FMNL2: variants seen among roughly 807,000 people sequenced by gnomAD.
FMNL2 encodes the protein formin like 2, also known as formin-like protein 2.
FMNL2 carries 51 observed loss-of-function variants against 130.2 expected under a neutral mutation model. The ratio of observed to expected loss-of-function variants is 0.39; its 90% CI spans 0.31 to 0.49. The LOEUF (loss-of-function observed/expected upper bound fraction) is 0.49. Ranked by LOEUF, FMNL2 falls within the 20% of genes least tolerant of loss-of-function variation. The probability of loss-of-function intolerance (pLI) is 0.85; values close to 1 mark genes in which losing one functional copy is unlikely to be tolerated. For missense variants in FMNL2, 977 were observed against 1,316.2 expected, an observed-to-expected ratio of 0.74 and a Z score of 3.99; for synonymous variants, 465 against 467.1, an observed-to-expected ratio of 1.00 and a Z score of 0.06.
At chr2:152,586,053 C>T (rs1697057458) in intron 9 of FMNL2, among the ~76,000 whole-genome samples, 1 of 152,174 alleles carries the variant, frequency 6.6e-6, no homozygotes. Context: ...CACCAGCTCT[C>T]CCAGGCTGCT....
At chr2:152,386,102 G>A (rs1684765308) in intron 1 of FMNL2, among the ~76,000 whole-genome samples, 1 of 152,204 alleles carries the variant, frequency 6.6e-6, no homozygotes, top group Non-Finnish European at 1.5e-5. Context: ...GGTGACAATA[G>A]AAGATAGGTT....
intron 1 of FMNL2, among the ~76,000 whole-genome samples, chr2:152,381,578 T>C (rs982004400): frequency 6.6e-6 from 1 of 152,202 alleles, no homozygotes; most frequent in African/African-American, 2.4e-5. Flanking sequence ...TGTGGGGTCA[T>C]GAGAGTCACA....
intron 15 of FMNL2, chr2:152,620,844 C>T: frequency 2.4e-6 from 2 of 820,790 alleles, no homozygotes; most frequent in East Asian, 2.5e-4. Flanking sequence ...TTACTTCCAC[C>T]CCGACTTCTA....
intron 4 of FMNL2, among the ~76,000 whole-genome samples, chr2:152,556,649 C>T (rs1271589737): frequency 6.6e-6 from 1 of 152,104 alleles, no homozygotes; most frequent in Non-Finnish European, 1.5e-5. Context: ...GGTCACTTGC[C>T]TCTTGTCCAA....
In FMNL2 at chr2:152,454,658, G is replaced by A. The variant is rs575172753; in HGVS notation, c.118-67285G>A. On this transcript the variant is annotated intron_variant, in intron 1 of 25. Transcript: ENST00000288670. ...GTATTTGCTCCATTGTTGGCTTGCT[G>A]TGAAGGAATGTGGGCAGAAAGGGAT... Among the ~76,000 whole-genome samples the A allele has an allele frequency of 8.5e-5, 13 of 152,342 alleles. 1 individual carries two copies. The highest frequency in any genetic ancestry group is 3.4e-3 in the Middle Eastern group (1 of 294).
intron 1 of FMNL2, among the ~76,000 whole-genome samples, chr2:152,393,906 A>G (rs1276913376): frequency 1.3e-5 from 2 of 152,238 alleles, no homozygotes; most frequent in East Asian, 1.9e-4. Context: ...TGAGTATTAT[A>G]TAGTTTTTTA....
chr2:152,628,116 C>T (rs1215161664), intron 17 of FMNL2, among the ~76,000 whole-genome samples, 183 bp from the exon 18 acceptor site: 1 of 152,192 alleles, frequency 6.6e-6, no homozygotes, highest in Non-Finnish European at 1.5e-5. Context: ...GAGGCATAGT[C>T]AAGAACCAGC....
chr2:152,578,818 T>C, intron 7 of FMNL2, 70 bp from the exon 8 acceptor site: 1 of 1,363,780 alleles, frequency 7.3e-7, no homozygotes, highest in Non-Finnish European at 1.0e-6. Context: ...TGGTTTTAAA[T>C]CAATACTGAC....
intron 1 of FMNL2, among the ~76,000 whole-genome samples, chr2:152,417,715 T>C (rs1686689728): frequency 6.6e-6 from 1 of 152,200 alleles, no homozygotes; most frequent in Admixed American, 6.5e-5. Context: ...ACTCACCTCC[T>C]CTGTGCCTCA....
At chr2:152,632,469 CTTTTAA>C (rs1682243839) in intron 21 of FMNL2, among the ~76,000 whole-genome samples, 1 of 152,206 alleles carries the variant, frequency 6.6e-6, no homozygotes. Context: ...CCAACAAACA[CTTTTAA>C]TTTGATTTTG....
chr2:152,507,734 A>G (rs912430376), intron 1 of FMNL2, among the ~76,000 whole-genome samples: 3 of 152,096 alleles, frequency 2.0e-5, no homozygotes, highest in Non-Finnish European at 4.4e-5. Flanking sequence ...TGTGTCTACT[A>G]CTGTTTTGAT....
chr2:152,638,403 G>A (rs1682800515), intron 23 of FMNL2, among the ~76,000 whole-genome samples: 2 of 152,210 alleles, frequency 1.3e-5, no homozygotes, highest in South Asian at 2.1e-4. Flanking sequence ...CACTGGTGGA[G>A]GTAGGAGGAA....
At chr2:152,554,297 C>T (rs1299539619) in intron 4 of FMNL2, among the ~76,000 whole-genome samples, 2 of 152,138 alleles carry the variant, frequency 1.3e-5, no homozygotes, top group African/African-American at 4.8e-5. Context: ...GTCCCAGCTA[C>T]TCAGGAGGCT....
chr2:152,626,522 T>C lies in FMNL2; in HGVS notation c.1963-3T>C, dbSNP rs1187113378. The C allele has an allele frequency of 1.9e-6, 3 of 1,597,060 alleles. No homozygotes were observed. The highest frequency in any genetic ancestry group is 2.6e-6 in the Non-Finnish European group (3 of 1,170,934). Reference sequence around the variant, plus strand: ...TTTCCATGGTCATTCCTCTCTATCTTAGGATTTAAATGTGGATGAATTTGA... The same window carrying C: ...TTTCCATGGTCATTCCTCTCTATCTCAGGATTTAAATGTGGATGAATTTGA... On this transcript the variant is annotated splice_region_variant and splice_polypyrimidine_tract_variant and intron_variant, in intron 16 of 25. Coordinates refer to ENST00000288670, the MANE Select transcript of FMNL2 (RefSeq NM_052905.4).
At chr2:152,355,353 A>G (rs1245177198) in intron 1 of FMNL2, among the ~76,000 whole-genome samples, 1 of 152,210 alleles carries the variant, frequency 6.6e-6, no homozygotes, top group African/African-American at 2.4e-5. Flanking sequence ...GCTTTATTCC[A>G]TTGAAAATAA....
intron 24 of FMNL2, 31 bp from the exon 25 acceptor site, chr2:152,640,760 C>T (rs1477380623): frequency 1.2e-6 from 2 of 1,608,348 alleles, no homozygotes; most frequent in Non-Finnish European, 8.5e-7. Flanking sequence ...GGGTGCTGGC[C>T]TCACTAATCT....
chr2:152,412,490 AT>A (rs1686372001), intron 1 of FMNL2, among the ~76,000 whole-genome samples: 3 of 54,986 alleles, frequency 5.5e-5, no homozygotes, highest in Admixed American at 1.7e-4. Context: ...ATATATATAT[AT>A]ATATATATAT....
At chr2:152,519,259 T>G (rs1464474470) in intron 1 of FMNL2, among the ~76,000 whole-genome samples, 2 of 152,168 alleles carry the variant, frequency 1.3e-5, no homozygotes, top group Non-Finnish European at 2.9e-5. Context: ...TTTAAAAAGC[T>G]TTGTTTGTTT....
chr2:152,594,749 T>C (rs1697661726), intron 9 of FMNL2, among the ~76,000 whole-genome samples: 1 of 152,236 alleles, frequency 6.6e-6, no homozygotes, highest in Non-Finnish European at 1.5e-5. Flanking sequence ...CCACTGCAGC[T>C]CAACAGCCAT....
Sources: allele counts gnomAD v4.1 joint callset (sites outside exome capture counted in the v4.1 genomes callset), GRCh38; gene constraint gnomAD v4.1.1; transcripts MANE v1.5; gene names NCBI Gene and HGNC (gene_info 2026-07-23, HGNC 2026-07-21).